Variants in MTMR4 observed in about 807,000 individuals in gnomAD.
The protein encoded by MTMR4 is myotubularin related protein 4, also known as phosphatidylinositol-3,5-bisphosphate 3-phosphatase MTMR4.
In MTMR4, 30 loss-of-function variants were observed where a neutral mutation model predicts 125.5. The ratio of observed to expected loss-of-function variants is 0.24; its 90% CI spans 0.18 to 0.32. MTMR4 has a LOEUF of 0.32. Among genes scored for constraint, MTMR4 ranks in the 10% least tolerant of loss-of-function variants. The pLI, the probability that MTMR4 is intolerant of heterozygous loss-of-function variation, is 1.00. For synonymous variants in MTMR4, 498 were observed against 564.5 expected, an observed-to-expected ratio of 0.88 and a Z score of 1.67; for missense variants, 1,039 against 1,511.5, an observed-to-expected ratio of 0.69 and a Z score of 5.18.
chr17:58,518,189 C>T (rs1436899812), upstream of MTMR4, among the ~76,000 whole-genome samples: 2 of 152,252 alleles, frequency 1.3e-5, no homozygotes, highest in African/African-American at 2.4e-5. Flanking sequence ...AAAGAGGGGG[C>T]TGCTGGCCAC....
Position 58,500,965 on chromosome 17 carries a change from T to C in MTMR4, c.1853+2779A>G, listed in dbSNP as rs113067731. ...GTTAATGAAATGATTATTAAATGGG[T>C]CACAGAGCTTATTAAAAATTTGATT... On this transcript the variant is annotated intron_variant, in intron 14 of 17. Transcript: ENST00000682306. Among the ~76,000 whole-genome samples, 1,348 of 152,100 alleles carry C rather than the reference T, an allele frequency of 8.9e-3. 23 individuals carry two copies. The highest frequency in any genetic ancestry group is 0.03 in the African/African-American group (1,250 of 41,462).
Position 58,511,401 on chromosome 17 carries a change from G to T in MTMR4, c.335+28C>A. On this transcript the variant is annotated intron_variant, in intron 4 of 17. Coordinates refer to ENST00000682306, the MANE Select transcript of MTMR4 (RefSeq NM_001378067.1). ...GAACTGGACAAGACTAGGGCCAGGG[G>T]ACCTGAGTGAGGCTCCGTTGTTCTC... 3 of 1,584,984 alleles carry T rather than the reference G, an allele frequency of 1.9e-6. No individual in the cohort carries two copies. The South Asian group carries it at 3.4e-5, about 18-fold the overall frequency.
chr17:58,495,093 G>A lies in MTMR4; in HGVS notation c.3091C>T (p.Pro1031Ser). Residue 1031 changes from proline (P) to serine (S), a missense_variant, in exon 15 of 18, where the codon CCC becomes TCC. Physicochemically the swap from Pro to Ser is moderately conservative, Grantham distance 74. Around this residue, in one of 6 missense-constraint regions of MTMR4, gnomAD observed 619 missense variants for 714.5 expected, o/e 0.87. Transcript: ENST00000682306. ...AACCTATGCTGGATCACATCCGTGG[G>A]AAAGGGGAGTCCATCATCATCCAAA... Reference protein sequence around the residue: ...LYLDDDGLPFPTDVIQHRLRQ... With the variant: ...LYLDDDGLPFSTDVIQHRLRQ... 1 of 1,614,234 alleles carries A rather than the reference G, an allele frequency of 6.2e-7. No homozygotes were observed. The highest frequency in any genetic ancestry group is 8.5e-7 in the Non-Finnish European group (1 of 1,180,032).
intron 14 of MTMR4, among the ~76,000 whole-genome samples, chr17:58,499,242 T>TAA (rs57477358): frequency 0.013 from 1,846 of 144,798 alleles, 12 homozygotes; most frequent in Non-Finnish European, 0.018. Flanking sequence ...CTTTTTTTTT[T>TAA]AAAAAAAAAA....
upstream of MTMR4, chr17:58,516,475 A>G: frequency 6.6e-6 from 8 of 1,216,968 alleles, no homozygotes; most frequent in Non-Finnish European, 9.7e-6. Flanking sequence ...GGAGCTGAAC[A>G]GGGTAGCCTG....
upstream of MTMR4, among the ~76,000 whole-genome samples, chr17:58,518,542 G>A (rs796749098): frequency 7.2e-5 from 11 of 152,240 alleles, no homozygotes; most frequent in African/African-American, 2.2e-4. Flanking sequence ...ATCGATAAAC[G>A]ACCCTGCAGT....
At chr17:58,499,627 G>GTTT (rs1336648859) in intron 14 of MTMR4, among the ~76,000 whole-genome samples, 5 of 143,022 alleles carry the variant, frequency 3.5e-5, no homozygotes, top group Non-Finnish European at 6.1e-5. Context: ...CATTTGTCCA[G>GTTT]TTTTTTTTTT....
intron 8 of MTMR4, 29 bp from the exon 9 acceptor site, chr17:58,506,900 A>G: frequency 6.2e-7 from 1 of 1,603,300 alleles, no homozygotes; most frequent in Non-Finnish European, 8.5e-7. Flanking sequence ...GGAGTCCCTG[A>G]GTCAGCCAGC....
rs375267926 is a variant in MTMR4, at chr17:58,496,081, C to G, written c.2103G>C (p.Leu701Phe). The G allele has an allele frequency of 6.2e-7, 1 of 1,614,148 alleles. No individual in the cohort carries two copies. Among genetic ancestry groups the G allele is most frequent in the East Asian group, 2.2e-5 (1 of 44,888 alleles). ...TGTGACTCTTGAAAGGTTTATTGCTCAAGTAGTCTTTCTGGCTGCTGGGCA... is the reference window on the plus strand; with the variant it reads ...TGTGACTCTTGAAAGGTTTATTGCTGAAGTAGTCTTTCTGGCTGCTGGGCA... ...PPLPSSQKDY[L>F]SNKPFKSHKS... The change falls in exon 15 of 18, where the codon TTG becomes TTC. Residue 701 changes from leucine (L) to phenylalanine (F), a missense_variant. Leu to Phe is a conservative substitution (Grantham distance 22). Transcript: ENST00000682306.
Position 58,512,735 on chromosome 17 carries a change from G to A in MTMR4, c.135+117C>T. The A allele has an allele frequency of 1.1e-6, 1 of 936,720 alleles. No individual in the cohort carries two copies. Among genetic ancestry groups the A allele is most frequent in the South Asian group, 1.5e-5 (1 of 66,402 alleles). The allele number at this position is 936,720 out of a possible 1,614,324, so 58.0% of individuals were successfully genotyped here. Reference sequence around the variant, plus strand: ...ACAAACCCTCCTCCTCCAGAGACCAGGGAACATGAAGCCAGAGCTCTGGTA... The same window carrying A: ...ACAAACCCTCCTCCTCCAGAGACCAAGGAACATGAAGCCAGAGCTCTGGTA... On this transcript the variant is annotated intron_variant, in intron 2 of 17. Coordinates refer to ENST00000682306, the MANE Select transcript of MTMR4 (RefSeq NM_001378067.1). This position sits in a 1 kb window ranked among gnomAD's most constrained non-coding sequence, Gnocchi z 4.1.
rs1391131311 is a variant in MTMR4, at chr17:58,505,494, T to TACA, written c.1120_1122dup (p.Cys374dup). On this transcript the variant is annotated inframe_insertion, in exon 10 of 18. Coordinates refer to ENST00000682306, the MANE Select transcript of MTMR4 (RefSeq NM_001378067.1). ...TACTTGCTAGGATCCGGCATCTGGC[T>TACA]ACACACAGCCCGGAGGTACTGAAAG... 4.3e-6 allele frequency: 7 copies of TACA among 1,612,758 alleles called. No individual in the cohort carries two copies. The highest frequency in any genetic ancestry group is 5.9e-6 in the Non-Finnish European group (7 of 1,179,252).
At position 58,504,112 on chromosome 17, in the gene MTMR4, C is replaced by T. The variant is rs1294529143; in HGVS notation, c.1636G>A (p.Ala546Thr). 4 of 1,603,330 alleles carry T rather than the reference C, an allele frequency of 2.5e-6. No individual in the cohort carries two copies. Among genetic ancestry groups the T allele is most frequent in the Non-Finnish European group, 2.6e-6 (3 of 1,176,002 alleles). ...NIYKRTCSVW[A>T]LLRAGNKNFH... is the part of the protein sequence containing the mutation. ...TTTTTATTGCCAGCTCGAAGGAGCG[C>T]CCACACAGAGCAGGTCCGCTTGTAG... Residue 546 changes from alanine to threonine, a missense_variant, in exon 13 of 18, where the codon GCG becomes ACG. Ala to Thr is a moderately conservative substitution (Grantham distance 58). Transcript: ENST00000682306. The surrounding 1 kb of genome is among the most constrained non-coding windows in gnomAD (Gnocchi z 7.1).
chr17:58,499,499 T>C (rs1975562826), intron 14 of MTMR4, among the ~76,000 whole-genome samples: 1 of 152,144 alleles, frequency 6.6e-6, no homozygotes, highest in Admixed American at 6.6e-5. Flanking sequence ...GAGAAGATCA[T>C]GTGACTGCAC....
chr17:58,495,306 C>A lies in MTMR4; in HGVS notation c.2878G>T (p.Gly960Trp), dbSNP rs1975430457. The A allele has an allele frequency of 6.2e-7, 1 of 1,614,122 alleles. No individual in the cohort carries two copies. Among genetic ancestry groups the A allele is most frequent in the Non-Finnish European group, 8.5e-7 (1 of 1,180,056 alleles). Residue 960 changes from glycine to tryptophan, a missense_variant, in exon 15 of 18, where the codon GGG (glycine) becomes TGG (tryptophan). By Grantham distance (184) the Gly-to-Trp change is radical (BLOSUM62 -2). This residue lies in a region of MTMR4 where 619 missense variants were observed against 714.5 expected (regional missense o/e 0.87). Coordinates refer to ENST00000682306, the MANE Select transcript of MTMR4 (RefSeq NM_001378067.1). Reference protein sequence around the residue: ...RPNSKQMRATGPCFGGQWAQR... With the variant: ...RPNSKQMRATWPCFGGQWAQR... ...GCCCACTGGCCCCCAAAGCAGGGCCCTGTGGCCCGCATCTGCTTACTGTTT... is the reference window on the plus strand; with the variant it reads ...GCCCACTGGCCCCCAAAGCAGGGCCATGTGGCCCGCATCTGCTTACTGTTT...
At position 58,492,510 on chromosome 17, in the gene MTMR4, C is replaced by T; in HGVS notation, c.3452+1G>A. On this transcript the variant is annotated splice_donor_variant, in intron 17 of 17. Coordinates refer to ENST00000682306, the MANE Select transcript of MTMR4 (RefSeq NM_001378067.1). LOFTEE classifies it high-confidence loss of function. ...ATACTAAATCATACAAAACATCTTA[C>T]CTGCAATGGTGTCTTCGTTTGGCCA... 1 of 1,613,406 alleles carries T rather than the reference C, an allele frequency of 6.2e-7. No individual in the cohort carries two copies. The highest frequency in any genetic ancestry group is 8.5e-7 in the Non-Finnish European group (1 of 1,179,690).
chr17:58,508,921 A>G lies in MTMR4; in HGVS notation c.336-80T>C. 1 of 1,494,326 alleles carries G rather than the reference A, an allele frequency of 6.7e-7. No homozygotes were observed. The highest frequency in any genetic ancestry group is 1.2e-5 in the South Asian group (1 of 82,060). 92.6% of individuals were successfully genotyped at this position (1,494,326 alleles called of 1,614,324 possible). On this transcript the variant is annotated intron_variant, in intron 4 of 17. Coordinates refer to ENST00000682306, the MANE Select transcript of MTMR4 (RefSeq NM_001378067.1). The surrounding 1 kb of genome is among the most constrained non-coding windows in gnomAD (Gnocchi z 4.8). ...GGCTATCAGGGCCAAAAACACAGCC[A>G]CAGGAAGGCTGTGAGGAGAGAAGGC...
Position 58,495,625 on chromosome 17 carries a change from C to G in MTMR4, c.2559G>C (p.Gly853=), listed in dbSNP as rs1438322779. 1.9e-6 allele frequency: 3 copies of G among 1,614,172 alleles called. No individual in the cohort carries two copies. In the Admixed American group the frequency reaches 5.0e-5, roughly 27 times the overall value. Residue 853 remains glycine (G), a synonymous_variant, in exon 15 of 18, where the codon GGG becomes GGC. Coordinates refer to ENST00000682306, the MANE Select transcript of MTMR4 (RefSeq NM_001378067.1). The part of the protein sequence containing the change: ...STDFLNQDPS[G]SVASISHQEQ... ...CCTGGTGGGAGATACTTGCCACAGA[C>G]CCTGAGGGATCTTGGTTGAGGAAGT...
chr17:58,507,968 G>A, intron 7 of MTMR4, 193 bp downstream of exon 7: 1 of 529,640 alleles, frequency 1.9e-6, no homozygotes, highest in Non-Finnish European at 3.4e-6. Context: ...AAAAAAAGGG[G>A]GGGAATGAAT....
In MTMR4 at chr17:58,490,714, G is replaced by C. The variant is rs1401758959; in HGVS notation, c.*949C>G. 1 of 152,624 alleles carries C rather than the reference G, an allele frequency of 6.6e-6. No homozygotes were observed. Among genetic ancestry groups the C allele is most frequent in the East Asian group, 1.9e-4 (1 of 5,190 alleles). The allele number at this position is 152,624 out of a possible 1,614,324, so 9.5% of individuals were successfully genotyped here. ...AAGGGAAAGACAACATGGGGGAAAT[G>C]GGCAATGGAACAACAACAACGAAAA... is the stretch of plus-strand genomic sequence containing the variant. On this transcript the variant is annotated 3_prime_UTR_variant, in exon 18 of 18. Transcript: ENST00000682306.
Sources: allele counts gnomAD v4.1 joint callset (sites outside exome capture counted in the v4.1 genomes callset), GRCh38; gene constraint gnomAD v4.1.1; regional missense constraint gnomAD v4.1.1; non-coding constraint Gnocchi (gnomAD v3.1); transcripts MANE v1.5; gene names NCBI Gene and HGNC (gene_info 2026-07-23, HGNC 2026-07-21).